Variants in PALS2 observed in about 807,000 individuals in gnomAD.
The protein encoded by PALS2 is protein PALS2.
PALS2 carries 27 observed loss-of-function variants against 61.6 expected under a neutral mutation model. The ratio of observed to expected loss-of-function variants is 0.44; its 90% CI spans 0.32 to 0.60. The LOEUF (loss-of-function observed/expected upper bound fraction) is 0.60, where lower values mean the gene tolerates loss of function less well. Ranked by LOEUF, PALS2 falls within the 20% of genes least tolerant of loss-of-function variation. The probability of loss-of-function intolerance (pLI) is 0.05; values close to 1 mark genes in which losing one functional copy is unlikely to be tolerated. For missense variants in PALS2, 554 were observed against 639.4 expected (o/e 0.87, Z 1.44); for synonymous variants, 236 against 218.6 (o/e 1.08, Z -0.70).
At chr7:24,676,169 T>C (rs1053857309) in intron 9 of PALS2, among the ~76,000 whole-genome samples, 1 of 152,158 alleles carries the variant, frequency 6.6e-6, no homozygotes, top group Non-Finnish European at 1.5e-5. Flanking sequence ...TTCATGTGTT[T>C]TTTGGCTGCA....
intron 1 of PALS2, among the ~76,000 whole-genome samples, chr7:24,578,904 T>C (rs750746428): frequency 6.6e-6 from 1 of 152,220 alleles, no homozygotes; most frequent in African/African-American, 2.4e-5. Context: ...CCTGGAGATA[T>C]AGAAAAGAAA....
chr7:24,599,525 T>A (rs2097952), intron 1 of PALS2, among the ~76,000 whole-genome samples: 55 of 143,716 alleles, frequency 3.8e-4, no homozygotes, highest in Middle Eastern at 7.0e-3. Context: ...TTTTTTTTTT[T>A]ATGGAGTCTT....
chr7:24,631,881 T>A (rs1237944270), intron 2 of PALS2, among the ~76,000 whole-genome samples: 2 of 152,248 alleles, frequency 1.3e-5, no homozygotes, highest in Non-Finnish European at 2.9e-5. Flanking sequence ...ATATTGCAGT[T>A]GCACACTTAA....
Position 24,640,723 on chromosome 7 carries a change from T to G in PALS2, c.118-993T>G, listed in dbSNP as rs548796240. On this transcript the variant is annotated intron_variant, in intron 2 of 11. Transcript: ENST00000222644. ...ACTATGAAAGGATGATTAGAATTAC[T>G]TTCGGCCGAGGGCGGTGGCTCATGC... Among the ~76,000 whole-genome samples the G allele has an allele frequency of 3.3e-5, 5 of 152,220 alleles. No individual in the cohort carries two copies. In the East Asian group the frequency reaches 9.7e-4, roughly 29 times the overall value.
chr7:24,574,030 C>T (rs1009076269), intron 1 of PALS2: 1 of 152,282 alleles, frequency 6.6e-6, no homozygotes, highest in Non-Finnish European at 1.5e-5. Context: ...GCGGTGGAGC[C>T]TGAATGGAGA....
chr7:24,588,973 C>T (rs1277989178), intron 1 of PALS2: 2 of 152,116 alleles, frequency 1.3e-5, no homozygotes, highest in African/African-American at 2.4e-5. Flanking sequence ...TAATTCCAGT[C>T]TGCCTATGTA....
At chr7:24,578,602 C>T (rs1047629812) in intron 1 of PALS2, among the ~76,000 whole-genome samples, 1 of 152,222 alleles carries the variant, frequency 6.6e-6, no homozygotes, top group African/African-American at 2.4e-5. Flanking sequence ...CAGAGGACCA[C>T]TTCTAGTCCT....
chr7:24,643,624 C>G (rs1785678047), intron 3 of PALS2, among the ~76,000 whole-genome samples: 1 of 152,076 alleles, frequency 6.6e-6, no homozygotes, highest in Non-Finnish European at 1.5e-5. Flanking sequence ...ATATAAGTGT[C>G]CAGTTTAGGT....
At chr7:24,641,604 G>T in intron 2 of PALS2, 112 bp from the exon 3 acceptor site, 1 of 924,862 alleles carries the variant, frequency 1.1e-6, no homozygotes. Context: ...TGGTTTACAT[G>T]AATTAAATCT....
chr7:24,607,595 G>GTGTGTGTATATATACATATATA (rs1365983563), intron 1 of PALS2, among the ~76,000 whole-genome samples: 2 of 131,600 alleles, frequency 1.5e-5, no homozygotes. Flanking sequence ...ATACATATAT[G>GTGTGTGTATATATACATATATA]TGTGTGTATA....
chr7:24,675,072 G>A, intron 9 of PALS2, among the ~76,000 whole-genome samples: 1 of 152,276 alleles, frequency 6.6e-6, no homozygotes, highest in African/African-American at 2.4e-5. Context: ...GTTTAAATAT[G>A]TGGCAACGTA....
intron 11 of PALS2, among the ~76,000 whole-genome samples, chr7:24,682,009 A>G (rs1787961678): frequency 6.6e-6 from 1 of 152,182 alleles, no homozygotes; most frequent in Non-Finnish European, 1.5e-5. Context: ...TTATGAGTAT[A>G]TCTTCCTGCT....
chr7:24,624,488 C>G (rs541724281), intron 2 of PALS2, among the ~76,000 whole-genome samples: 7 of 151,772 alleles, frequency 4.6e-5, no homozygotes, highest in Non-Finnish European at 1.0e-4. Context: ...TGATTTCACT[C>G]TCTTCTGTGA....
chr7:24,663,851 T>G lies in PALS2; in HGVS notation c.783+130T>G, dbSNP rs1786869570. 5 of 1,151,478 alleles carry G rather than the reference T, an allele frequency of 4.3e-6. No individual in the cohort carries two copies. In the African/African-American group the frequency reaches 6.4e-5, roughly 15 times the overall value. The allele number at this position is 1,151,478 out of a possible 1,614,324, so 71.3% of individuals were successfully genotyped here. A position where few individuals can be genotyped will look rare whatever the true frequency, so the allele number is the denominator to read the frequency against. On this transcript the variant is annotated intron_variant, in intron 6 of 11. Coordinates refer to ENST00000222644, the MANE Select transcript of PALS2 (RefSeq NM_001303037.2). ...TTTTTCCCACATGAACAGCTCCTGCTTCGTGGCTACTAATTTTGTGGACAT... is the reference window on the plus strand; with the variant it reads ...TTTTTCCCACATGAACAGCTCCTGCGTCGTGGCTACTAATTTTGTGGACAT...
chr7:24,668,610 A>C lies in PALS2; in HGVS notation c.1064A>C (p.Lys355Thr). The C allele has an allele frequency of 6.2e-7, 1 of 1,614,028 alleles. No homozygotes were observed. Among genetic ancestry groups the C allele is most frequent in the Non-Finnish European group, 8.5e-7 (1 of 1,179,920 alleles). Reference sequence around the variant, plus strand: ...CAAGGTGTAGGCCGAAGAAGCTTGAAAAACAGGTTCATAGTATTGAATCCC... The same window carrying C: ...CAAGGTGTAGGCCGAAGAAGCTTGACAAACAGGTTCATAGTATTGAATCCC... ...GAQGVGRRSL[K>T]NRFIVLNPTR... Residue 355 changes from lysine (K) to threonine (T), a missense_variant, in exon 9 of 12, where the codon AAA becomes ACA. By Grantham distance (78) the Lys-to-Thr change is moderately conservative (BLOSUM62 -1). Transcript: ENST00000222644.
chr7:24,673,166 GT>G (rs1416930209), intron 9 of PALS2, among the ~76,000 whole-genome samples: 3 of 151,872 alleles, frequency 2.0e-5, no homozygotes, highest in Non-Finnish European at 4.4e-5. Flanking sequence ...TATGATTTTT[GT>G]TTTTTATTGT....
chr7:24,680,507 C>T lies in PALS2; in HGVS notation c.1433C>T (p.Thr478Ile). The T allele has an allele frequency of 1.9e-6, 3 of 1,613,792 alleles. No homozygotes were observed. Among genetic ancestry groups the T allele is most frequent in the Non-Finnish European group, 2.5e-6 (3 of 1,179,798 alleles). ...HKAVVDAGIT[T>I]KLLTDSDLKK... ...GCTGTGGTGGATGCAGGAATCACTA[C>T]CAAGCTTCTGACCGTGAGCTAACCA... Residue 478 changes from threonine to isoleucine, a missense_variant, in exon 11 of 12, where the codon ACC (threonine) becomes ATC (isoleucine). Thr to Ile is a moderately conservative substitution (Grantham distance 89, BLOSUM62 -1). Transcript: ENST00000222644.
intron 11 of PALS2, among the ~76,000 whole-genome samples, chr7:24,681,717 A>G (rs562370632): frequency 2.8e-4 from 43 of 152,286 alleles, no homozygotes; most frequent in African/African-American, 7.9e-4. Flanking sequence ...CATGAAAGCC[A>G]TTACAACCAA....
chr7:24,607,593 A>G lies in PALS2; in HGVS notation c.-2-16073A>G, dbSNP rs566727161. ...CATATATGTGTGTATATATACATATATGTGTGTGTATATATACATATATAT... is the reference window on the plus strand; with the variant it reads ...CATATATGTGTGTATATATACATATGTGTGTGTGTATATATACATATATAT... On this transcript the variant is annotated intron_variant, in intron 1 of 11. Coordinates refer to ENST00000222644, the MANE Select transcript of PALS2 (RefSeq NM_001303037.2). Among the ~76,000 whole-genome samples, 1,006 of 132,304 alleles carry G rather than the reference A, an allele frequency of 7.6e-3. 10 individuals carry two copies. Among genetic ancestry groups the G allele is most frequent in the Middle Eastern group, 0.019 (5 of 268 alleles). The allele number at this position is 132,304 out of a possible 152,430, so 86.8% of individuals were successfully genotyped here. A position where few individuals can be genotyped will look rare whatever the true frequency, so the allele number is the denominator to read the frequency against.
Sources: gnomAD v4.1 joint callset for allele counts (sites outside exome capture counted in the v4.1 genomes callset) on GRCh38, gnomAD v4.1.1 for gene constraint, MANE v1.5 for transcripts, NCBI Gene and HGNC (gene_info 2026-07-23, HGNC 2026-07-21) for gene names.